The following EIF2AK3 variants were observed in gnomAD, a reference collection of about 807,000 sequenced individuals.
EIF2AK3 encodes the protein eukaryotic translation initiation factor 2-alpha kinase 3.
A neutral mutation model predicts 113.5 loss-of-function variants in EIF2AK3; 50 were observed. The observed-to-expected ratio is 0.44, with a 90% CI of 0.35 to 0.56. The LOEUF (loss-of-function observed/expected upper bound fraction) is 0.56. EIF2AK3 is among the 20% of genes least tolerant of loss of function. The pLI is 0.00. For synonymous variants in EIF2AK3, 448 were observed against 495.4 expected (o/e 0.90, Z 1.27); for missense variants, 1,185 against 1,378.0 (o/e 0.86, Z 2.22).
intron 1 of EIF2AK3, among the ~76,000 whole-genome samples, chr2:88,618,277 C>T (rs1675635875): frequency 6.6e-6 from 1 of 152,188 alleles, no homozygotes; most frequent in South Asian, 2.1e-4. Context: ...CCCAAGACCA[C>T]TTGCCCTATT....
chr2:88,569,685 T>C (rs1674237154), intron 14 of EIF2AK3, among the ~76,000 whole-genome samples: 1 of 152,172 alleles, frequency 6.6e-6, no homozygotes, highest in Non-Finnish European at 1.5e-5. Context: ...AAAAGATCCA[T>C]TCAAAGTACA....
intron 1 of EIF2AK3, among the ~76,000 whole-genome samples, 157 bp downstream of exon 1, chr2:88,626,810 G>A (rs1013463232): frequency 1.2e-4 from 19 of 152,224 alleles, no homozygotes; most frequent in African/African-American, 4.6e-4. Context: ...GGGATGGGAG[G>A]GCGTCGTGGC....
Position 88,583,480 on chromosome 2 carries a change from T to C in EIF2AK3, c.1713A>G (p.Glu571=), listed in dbSNP as rs1262820332. The change falls in exon 10 of 17, where the codon GAA becomes GAG. Residue 571 remains glutamate (E), a synonymous_variant. Coordinates refer to ENST00000303236, the MANE Select transcript of EIF2AK3 (RefSeq NM_004836.7). ...TENKYDSVSG[E]ANDSSWNDIK... is the part of the protein sequence containing the mutation. ...TGTCATTCCAGCTACTGTCATTGGC[T>C]TCACCACTTACAGAATCATATTTAT... The C allele has an allele frequency of 6.2e-7, 1 of 1,613,348 alleles. No individual in the cohort carries two copies. The highest frequency in any genetic ancestry group is 8.5e-7 in the Non-Finnish European group (1 of 1,179,704).
At chr2:88,559,488 TC>T (rs1302220967) in intron 15 of EIF2AK3, among the ~76,000 whole-genome samples, 1 of 150,010 alleles carries the variant, frequency 6.7e-6, no homozygotes, top group Admixed American at 6.7e-5. Context: ...CTGGAACCAA[TC>T]CCCTGTGGAT....
At chr2:88,599,208 C>T (rs1402616161) in intron 2 of EIF2AK3, among the ~76,000 whole-genome samples, 1 of 152,000 alleles carries the variant, frequency 6.6e-6, no homozygotes, top group Non-Finnish European at 1.5e-5. Flanking sequence ...TCCTATTACT[C>T]ATTACTGAAA....
chr2:88,611,312 G>A (rs1044148780), intron 2 of EIF2AK3, among the ~76,000 whole-genome samples: 2 of 152,090 alleles, frequency 1.3e-5, no homozygotes, highest in Admixed American at 6.6e-5. Flanking sequence ...ATCAACCTCA[G>A]AAGGGTTACT....
intron 9 of EIF2AK3, among the ~76,000 whole-genome samples, chr2:88,584,567 T>TAG (rs1330766981): frequency 1.5e-5 from 2 of 136,676 alleles, no homozygotes; most frequent in Admixed American, 7.6e-5. Flanking sequence ...AGTCTAGAGG[T>TAG]AGAGAGAGAA....
Position 88,593,451 on chromosome 2 carries a change from C to T in EIF2AK3, c.634-46G>A, listed in dbSNP as rs1674935313. Reference sequence around the variant, plus strand: ...ACAAAATTAGTAAAAGGAGACAACTCATAATAGATCAGAGATATTAAAGGA... The same window carrying T: ...ACAAAATTAGTAAAAGGAGACAACTTATAATAGATCAGAGATATTAAAGGA... On this transcript the variant is annotated intron_variant, in intron 3 of 16. Transcript: ENST00000303236. 4 of 1,603,160 alleles carry T rather than the reference C, an allele frequency of 2.5e-6. No individual in the cohort carries two copies. In the East Asian group the frequency reaches 8.9e-5, roughly 36 times the overall value.
chr2:88,626,017 G>T (rs1411247372), intron 1 of EIF2AK3, among the ~76,000 whole-genome samples: 5 of 152,008 alleles, frequency 3.3e-5, no homozygotes, highest in African/African-American at 1.2e-4. Context: ...CCAATCCAGA[G>T]CCCAGCCTTC....
intron 2 of EIF2AK3, among the ~76,000 whole-genome samples, chr2:88,599,334 A>C (rs1675097991): frequency 6.6e-6 from 1 of 152,114 alleles, no homozygotes; most frequent in Admixed American, 6.6e-5. Flanking sequence ...TCCTGATAAT[A>C]GATAACAAAT....
In EIF2AK3 at chr2:88,557,597, A is replaced by T; in HGVS notation, c.*139T>A. The T allele has an allele frequency of 2.2e-6, 2 of 923,306 alleles. No individual in the cohort carries two copies. Among genetic ancestry groups the T allele is most frequent in the Non-Finnish European group, 1.8e-6 (1 of 568,810 alleles). 57.2% of individuals were successfully genotyped at this position (923,306 alleles called of 1,614,324 possible). The stretch of plus-strand genomic sequence containing the variant: ...TAGGTTATGCCCCCAAATCCAGCTT[A>T]AATTTGATATAAAAAAAGTAGTCCA... On this transcript the variant is annotated 3_prime_UTR_variant, in exon 17 of 17. Transcript: ENST00000303236.
Position 88,575,268 on chromosome 2 carries a change from A to C in EIF2AK3, c.2215T>G (p.Ser739Ala). The change falls in exon 13 of 17, where the codon TCA becomes GCA. Residue 739 changes from serine (S) to alanine (A), a missense_variant. Ser to Ala is a moderately conservative substitution (Grantham distance 99). Coordinates refer to ENST00000303236, the MANE Select transcript of EIF2AK3 (RefSeq NM_004836.7). ...TCCATTCCTGAGAATTCCAGTGGTG[A>C]GAACTGGCTCTCAGATGAACTTGTC... ...DQTSSSESQF[S>A]PLEFSGMDHE... 6.2e-7 allele frequency: 1 copy of C among 1,614,132 alleles called. No individual in the cohort carries two copies. Among genetic ancestry groups the C allele is most frequent in the African/African-American group, 1.3e-5 (1 of 75,034 alleles).
chr2:88,605,412 A>C (rs1675247006), intron 2 of EIF2AK3, among the ~76,000 whole-genome samples: 1 of 152,200 alleles, frequency 6.6e-6, no homozygotes, highest in South Asian at 2.1e-4. Context: ...TAATTATGCA[A>C]GGTCAGTTAT....
intron 8 of EIF2AK3, 34 bp from the exon 9 acceptor site, chr2:88,586,095 A>G (rs1321677590): frequency 6.3e-7 from 1 of 1,577,556 alleles, no homozygotes; most frequent in Non-Finnish European, 8.7e-7. Flanking sequence ...TTTTTTTTAA[A>G]GGTAATCAAA....
intron 2 of EIF2AK3, among the ~76,000 whole-genome samples, chr2:88,611,299 C>G (rs1573419851): frequency 2.0e-5 from 3 of 152,114 alleles, no homozygotes; most frequent in Admixed American, 2.0e-4. Context: ...ATGGGACCAA[C>G]TTATCAACCT....
chr2:88,626,686 G>A (rs921447834), intron 1 of EIF2AK3, among the ~76,000 whole-genome samples: 3 of 152,260 alleles, frequency 2.0e-5, no homozygotes, highest in African/African-American at 7.2e-5. Flanking sequence ...GAGGGGAAGT[G>A]GCGTTTCTTT....
rs771307688 is a variant in EIF2AK3 at position 88,557,385 on chromosome 2, T to C, written c.*351A>G. The C allele has an allele frequency of 1.6e-5, 4 of 247,850 alleles. No homozygotes were observed. The highest frequency in any genetic ancestry group is 3.2e-5 in the Non-Finnish European group (4 of 125,398). The allele number at this position is 247,850 out of a possible 1,614,324, so 15.4% of individuals were successfully genotyped here. On this transcript the variant is annotated 3_prime_UTR_variant, in exon 17 of 17. Coordinates refer to ENST00000303236, the MANE Select transcript of EIF2AK3 (RefSeq NM_004836.7). Reference sequence around the variant, plus strand: ...CAGTTACCACACAGGGGGACTTTCCTTCTTCTGCATTATAAAAATATATCC... The same window carrying C: ...CAGTTACCACACAGGGGGACTTTCCCTCTTCTGCATTATAAAAATATATCC...
In EIF2AK3 at chr2:88,591,007, G is replaced by A; in HGVS notation, c.813C>T (p.Asp271=). The A allele has an allele frequency of 6.2e-7, 1 of 1,614,048 alleles. No homozygotes were observed. Among genetic ancestry groups the A allele is most frequent in the Non-Finnish European group, 8.5e-7 (1 of 1,179,974 alleles). ...VGHFELRYIP[D]METRAGFIES... ...CAATAAATCCGGCTCTCGTTTCCATGTCTGGAATATACCGAAGTTCAAAGT... is the reference window on the plus strand; with the variant it reads ...CAATAAATCCGGCTCTCGTTTCCATATCTGGAATATACCGAAGTTCAAAGT... The change falls in exon 5 of 17, where the codon GAC becomes GAT. Residue 271 remains aspartate, a synonymous_variant. Transcript: ENST00000303236.
At chr2:88,622,085 C>T (rs1298689278) in intron 1 of EIF2AK3, among the ~76,000 whole-genome samples, 2 of 151,874 alleles carry the variant, frequency 1.3e-5, no homozygotes, top group Non-Finnish European at 2.9e-5. Flanking sequence ...TTAGTAGAGA[C>T]AGGGTTTCAC....
Sources: gnomAD v4.1 joint callset for allele counts (sites outside exome capture counted in the v4.1 genomes callset) on GRCh38, gnomAD v4.1.1 for gene constraint, MANE v1.5 for transcripts, NCBI Gene and HGNC (gene_info 2026-07-23, HGNC 2026-07-21) for gene names.